The following ERBB4 variants were observed in gnomAD, a reference collection of about 807,000 sequenced individuals.
ERBB4 encodes the protein receptor tyrosine-protein kinase erbB-4.
In ERBB4, 42 loss-of-function variants were observed where a neutral mutation model predicts 158.0. That is an observed-to-expected ratio of 0.27 (90% CI 0.21 to 0.34). ERBB4 has a LOEUF of 0.34. ERBB4 is among the 10% of genes least tolerant of loss of function. The probability of loss-of-function intolerance (pLI) is 1.00; values close to 1 mark genes in which losing one functional copy is unlikely to be tolerated. For missense variants in ERBB4, 1,333 were observed against 1,624.1 expected, an observed-to-expected ratio of 0.82 and a Z score of 3.08; for synonymous variants, 583 against 558.7, an observed-to-expected ratio of 1.04 and a Z score of -0.61.
At chr2:211,738,361 G>GTTTTGTTTTTTT (rs1559473744) in intron 5 of ERBB4, among the ~76,000 whole-genome samples, 1 of 135,342 alleles carries the variant, frequency 7.4e-6, no homozygotes, top group Non-Finnish European at 1.6e-5. Context: ...CTTTGTTTTT[G>GTTTTGTTTTTTT]TTTTTTTTTT....
intron 2 of ERBB4, among the ~76,000 whole-genome samples, chr2:212,117,769 G>A (rs1435048085): frequency 8.4e-6 from 1 of 119,734 alleles, no homozygotes; most frequent in Non-Finnish European, 2.1e-5. Context: ...TTTAAATGGT[G>A]TTTTCCTCTC....
chr2:211,674,837 T>C (rs1273923508), intron 13 of ERBB4, among the ~76,000 whole-genome samples: 1 of 152,160 alleles, frequency 6.6e-6, no homozygotes, highest in Non-Finnish European at 1.5e-5. Context: ...TAAAAGTTTA[T>C]GGTACTAAAT....
intron 20 of ERBB4, among the ~76,000 whole-genome samples, chr2:211,456,733 G>T (rs1176940416): frequency 6.6e-6 from 1 of 152,046 alleles, no homozygotes; most frequent in Non-Finnish European, 1.5e-5. Context: ...CCCAACTCAG[G>T]TCATCAGATA....
At chr2:211,845,762 G>C (rs988455240) in intron 3 of ERBB4, among the ~76,000 whole-genome samples, 1 of 152,056 alleles carries the variant, frequency 6.6e-6, no homozygotes, top group East Asian at 1.9e-4. Context: ...TGTGCAAAAC[G>C]TACTCATCTA....
intron 2 of ERBB4, among the ~76,000 whole-genome samples, chr2:211,958,479 G>C (rs1050321228): frequency 2.6e-5 from 4 of 152,050 alleles, no homozygotes; most frequent in African/African-American, 9.7e-5. Context: ...AGTGTTTTCT[G>C]TGTGTGAGGC....
intron 1 of ERBB4, among the ~76,000 whole-genome samples, chr2:212,253,254 A>C (rs1456589170): frequency 6.6e-6 from 1 of 152,148 alleles, no homozygotes. Flanking sequence ...TTGTATATGA[A>C]TTTAACAAAG....
At chr2:212,010,676 TC>T (rs1206719710) in intron 2 of ERBB4, among the ~76,000 whole-genome samples, 1 of 152,046 alleles carries the variant, frequency 6.6e-6, no homozygotes, top group Non-Finnish European at 1.5e-5. Flanking sequence ...AAAACAGGGT[TC>T]GAGAGCAGAG....
chr2:212,119,134 C>A (rs2079664528), intron 2 of ERBB4, among the ~76,000 whole-genome samples: 1 of 151,992 alleles, frequency 6.6e-6, no homozygotes. Context: ...TAAATAAATT[C>A]ATCTCCTTAT....
intron 20 of ERBB4, among the ~76,000 whole-genome samples, chr2:211,495,844 G>A (rs1270888141): frequency 6.6e-6 from 1 of 151,900 alleles, no homozygotes; most frequent in Non-Finnish European, 1.5e-5. Flanking sequence ...TATTATAAAT[G>A]TATACAATTA....
intron 2 of ERBB4, among the ~76,000 whole-genome samples, chr2:212,049,823 G>A (rs2077352627): frequency 6.6e-6 from 1 of 152,118 alleles, no homozygotes; most frequent in Non-Finnish European, 1.5e-5. Context: ...ACATGTGTGG[G>A]CTTCAGAAAG....
At chr2:211,661,300 A>G (rs17335518) in intron 15 of ERBB4, among the ~76,000 whole-genome samples, 57,797 of 152,094 alleles carry the variant, frequency 0.38, 11,871 homozygotes, top group Middle Eastern at 0.5. Flanking sequence ...TGCAATTTGC[A>G]TCCATTCAGC....
intron 3 of ERBB4, among the ~76,000 whole-genome samples, chr2:211,830,552 T>G (rs1444471172): frequency 6.6e-6 from 1 of 152,172 alleles, no homozygotes; most frequent in Non-Finnish European, 1.5e-5. Context: ...TAACAATATA[T>G]TTTTAGTTAA....
intron 1 of ERBB4, among the ~76,000 whole-genome samples, chr2:212,461,885 C>T (rs1043640074): frequency 6.6e-6 from 1 of 152,106 alleles, no homozygotes; most frequent in Non-Finnish European, 1.5e-5. Context: ...AAGAGTAGTT[C>T]CTGTGCACAA....
chr2:212,330,428 G>A (rs956904833), intron 1 of ERBB4, among the ~76,000 whole-genome samples: 1 of 151,972 alleles, frequency 6.6e-6, no homozygotes, highest in Non-Finnish European at 1.5e-5. Context: ...AAACCAGCCT[G>A]GGCAACAAAG....
At chr2:211,560,018 T>C (rs1003411231) in intron 20 of ERBB4, among the ~76,000 whole-genome samples, 2 of 152,154 alleles carry the variant, frequency 1.3e-5, no homozygotes, top group Non-Finnish European at 2.9e-5. Context: ...ACAGGCTTGA[T>C]GGATGAATAA....
At chr2:212,190,536 C>CAA (rs11362884) in intron 1 of ERBB4, among the ~76,000 whole-genome samples, 23 of 129,088 alleles carry the variant, frequency 1.8e-4, no homozygotes, top group Non-Finnish European at 2.6e-4. Context: ...GACTCCGTCT[C>CAA]AAAAAAAAAA....
At chr2:211,755,206 T>C (rs984771325) in intron 4 of ERBB4, among the ~76,000 whole-genome samples, 9 of 152,282 alleles carry the variant, frequency 5.9e-5, no homozygotes, top group Non-Finnish European at 1.2e-4. Context: ...TTAAATGTCT[T>C]AGAGTAAGTG....
intron 1 of ERBB4, among the ~76,000 whole-genome samples, chr2:212,224,040 C>T (rs1231607275): frequency 2.6e-5 from 4 of 151,784 alleles, no homozygotes; most frequent in African/African-American, 7.2e-5. Context: ...TTATTTTATG[C>T]ATATAAGCAT....
At chr2:211,639,782 C>T (rs909605837) in intron 16 of ERBB4, among the ~76,000 whole-genome samples, 16 of 151,972 alleles carry the variant, frequency 1.1e-4, no homozygotes, top group Non-Finnish European at 1.6e-4. Flanking sequence ...AGTACAGTGG[C>T]GCCATCTTGG....
Sources: gnomAD v4.1 joint callset for allele counts (sites outside exome capture counted in the v4.1 genomes callset) on GRCh38, gnomAD v4.1.1 for gene constraint, MANE v1.5 for transcripts, NCBI Gene and HGNC (gene_info 2026-07-23, HGNC 2026-07-21) for gene names.